MTRF1: variants seen among roughly 807,000 people sequenced by gnomAD.
The protein encoded by MTRF1 is mitochondrial translation release factor 1, also known as peptide chain release factor 1, mitochondrial.
Under a neutral mutation model 62.9 loss-of-function variants are expected in MTRF1, and 51 were observed. The ratio of observed to expected loss-of-function variants is 0.81; its 90% confidence interval spans 0.65 to 1.02. The LOEUF (loss-of-function observed/expected upper bound fraction) is 1.02, where lower values mean the gene tolerates loss of function less well. Among genes scored for constraint, MTRF1 ranks in the 50% least tolerant of loss-of-function variants. MTRF1 has a pLI of 0.00. For synonymous variants in MTRF1, 158 were observed against 181.9 expected, an observed-to-expected ratio of 0.87 and a Z score of 1.06; for missense variants, 446 against 530.0, an observed-to-expected ratio of 0.84 and a Z score of 1.56.
At chr13:41,306,385 A>C in the MTRF1 span, among the ~76,000 whole-genome samples, 2 of 136,804 alleles carry the variant, frequency 1.5e-5, no homozygotes. Flanking sequence ...CTCCGTCTCA[A>C]AAAAAAAAAA....
chr13:41,311,149 C>A, the MTRF1 span: 2 of 346,638 alleles, frequency 5.8e-6, no homozygotes, highest in Non-Finnish European at 1.1e-5. Context: ...CAGCACAAGG[C>A]AAATCCACGC....
intron 6 of MTRF1, 53 bp from the exon 7 acceptor site, chr13:41,234,060 A>G: frequency 7.6e-7 from 1 of 1,324,100 alleles, no homozygotes; most frequent in Non-Finnish European, 1.1e-6. Context: ...TTTAATATAA[A>G]ATCGATTCCA....
intron 5 of MTRF1, among the ~76,000 whole-genome samples, chr13:41,250,652 C>G (rs1279744347): frequency 6.6e-6 from 1 of 152,086 alleles, no homozygotes; most frequent in Non-Finnish European, 1.5e-5. Flanking sequence ...CACCACCACA[C>G]CCAGCTAATT....
At chr13:41,311,451 C>A in the MTRF1 span, 1 of 1,415,582 alleles carries the variant, frequency 7.1e-7, no homozygotes, top group Non-Finnish European at 9.7e-7. Flanking sequence ...GCGGTTCGTC[C>A]CGGTGCCCAC....
intron 5 of MTRF1, among the ~76,000 whole-genome samples, chr13:41,246,590 T>G (rs73179131): frequency 0.051 from 7,770 of 152,262 alleles, 259 homozygotes; most frequent in Non-Finnish European, 0.079. Context: ...GATAATAATC[T>G]TCATACCAAA....
intron 2 of MTRF1, among the ~76,000 whole-genome samples, chr13:41,259,722 C>CAAAAAAAAACAAAAAAAAA (rs2040211344): frequency 1.2e-4 from 6 of 50,872 alleles, no homozygotes; most frequent in East Asian, 9.6e-4. Context: ...AAAAAAAAAA[C>CAAAAAAAAACAAAAAAAAA]ATAAAAATAA....
At chr13:41,234,085 A>C (rs2036065540) in intron 6 of MTRF1, 78 bp from the exon 7 acceptor site, 1 of 1,130,374 alleles carries the variant, frequency 8.8e-7, no homozygotes, top group Admixed American at 1.8e-5. Flanking sequence ...TTTTCAAATA[A>C]ACTGTATTGT....
chr13:41,310,406 C>G, the MTRF1 span, among the ~76,000 whole-genome samples: 1 of 152,230 alleles, frequency 6.6e-6, no homozygotes, highest in African/African-American at 2.4e-5. Flanking sequence ...TGTGGTGGCT[C>G]ACGCCTGTAA....
chr13:41,279,936 C>G, the MTRF1 span, among the ~76,000 whole-genome samples: 1 of 152,006 alleles, frequency 6.6e-6, no homozygotes, highest in South Asian at 2.1e-4. Context: ...TCTCCACAAT[C>G]CTTTATTTTA....
chr13:41,249,830 C>G (rs1250603607), intron 5 of MTRF1, among the ~76,000 whole-genome samples: 1 of 151,284 alleles, frequency 6.6e-6, no homozygotes, highest in Non-Finnish European at 1.5e-5. Context: ...GCCAGGCTGG[C>G]CTCAAACTCC....
At chr13:41,303,993 T>C in the MTRF1 span, among the ~76,000 whole-genome samples, 1 of 152,210 alleles carries the variant, frequency 6.6e-6, no homozygotes, top group African/African-American at 2.4e-5. Context: ...CTACTCTGTC[T>C]ATAGAGTAGC....
chr13:41,268,350 GACTT>G (rs1403187935), upstream of MTRF1, among the ~76,000 whole-genome samples: 4 of 152,046 alleles, frequency 2.6e-5, no homozygotes, highest in Admixed American at 6.6e-5. Flanking sequence ...ATCAAAAAAA[GACTT>G]AATTTATAAT....
intron 5 of MTRF1, among the ~76,000 whole-genome samples, chr13:41,250,261 CCTCAT>C (rs1232835045): frequency 2.0e-5 from 3 of 152,076 alleles, no homozygotes; most frequent in Non-Finnish European, 4.4e-5. Flanking sequence ...ATTTTACTGT[CCTCAT>C]CCTTTTTCTG....
the MTRF1 span, among the ~76,000 whole-genome samples, chr13:41,304,483 T>C: frequency 2.6e-5 from 4 of 152,130 alleles, no homozygotes; most frequent in African/African-American, 7.2e-5. Flanking sequence ...TATAACATCG[T>C]AGGTACTCAA....
the MTRF1 span, among the ~76,000 whole-genome samples, chr13:41,298,959 C>G: frequency 7.2e-5 from 11 of 152,306 alleles, no homozygotes; most frequent in African/African-American, 2.4e-4. Flanking sequence ...GCAGGCGGAT[C>G]ACTTGAGGTC....
At chr13:41,244,353 T>C (rs1205296452) in intron 5 of MTRF1, among the ~76,000 whole-genome samples, 1 of 152,250 alleles carries the variant, frequency 6.6e-6, no homozygotes, top group African/African-American at 2.4e-5. Flanking sequence ...TTCCCTTTTT[T>C]GTAAGTCCAA....
chr13:41,223,467 A>G, intron 8 of MTRF1, 113 bp from the exon 9 acceptor site: 1 of 753,466 alleles, frequency 1.3e-6, no homozygotes, highest in South Asian at 1.8e-5. Context: ...TCTAAAAGAC[A>G]TATATACAAA....
chr13:41,226,941 G>T (rs987450399), intron 7 of MTRF1, among the ~76,000 whole-genome samples: 1 of 152,176 alleles, frequency 6.6e-6, no homozygotes. Context: ...AACTCAAGAA[G>T]AACTTGCCTT....
At chr13:41,286,628 A>G in the MTRF1 span, among the ~76,000 whole-genome samples, 1 of 152,228 alleles carries the variant, frequency 6.6e-6, no homozygotes, top group Non-Finnish European at 1.5e-5. Flanking sequence ...ATATCTTATC[A>G]AAATACGATC....
Sources: gnomAD v4.1 joint callset for allele counts (sites outside exome capture counted in the v4.1 genomes callset) on GRCh38, gnomAD v4.1.1 for gene constraint, MANE v1.5 for transcripts, NCBI Gene and HGNC (gene_info 2026-07-23, HGNC 2026-07-21) for gene names.